MTNAP1: variants seen among roughly 807,000 people sequenced by gnomAD.
The protein encoded by MTNAP1 is mitochondrial nucleoid-associated protein 1.
At chr17:73,245,145 C>G in the MTNAP1 span, 2 of 1,613,008 alleles carry the variant, frequency 1.2e-6, no homozygotes, top group Non-Finnish European at 1.7e-6. Context: ...CGGATCCTTA[C>G]ATTTGTCTCT....
the MTNAP1 span, among the ~76,000 whole-genome samples, chr17:73,234,652 C>T: frequency 2.3e-4 from 33 of 140,514 alleles, no homozygotes; most frequent in African/African-American, 8.1e-4. Flanking sequence ...CACTGCACTC[C>T]GGCCTGGTGA....
chr17:73,247,538 G>A, the MTNAP1 span: 1 of 533,888 alleles, frequency 1.9e-6, no homozygotes, highest in Non-Finnish European at 3.3e-6. Flanking sequence ...TCAGGGTGCT[G>A]AAACATAATG....
chr17:73,235,044 A>G, the MTNAP1 span, among the ~76,000 whole-genome samples: 2 of 152,018 alleles, frequency 1.3e-5, no homozygotes, highest in Non-Finnish European at 2.9e-5. Context: ...GGACACGGTG[A>G]AACCCCGTCT....
chr17:73,236,354 A>G, the MTNAP1 span: 1 of 1,614,084 alleles, frequency 6.2e-7, no homozygotes, highest in African/African-American at 1.3e-5. Context: ...GGTAAAATCC[A>G]AGTCATGGAG....
chr17:73,237,110 A>G, the MTNAP1 span: 4 of 1,084,160 alleles, frequency 3.7e-6, no homozygotes, highest in Non-Finnish European at 5.1e-6. Context: ...ATTTTCACCT[A>G]GGCATGCCAG....
chr17:73,236,973 C>T, the MTNAP1 span: 2 of 1,580,952 alleles, frequency 1.3e-6, no homozygotes, highest in South Asian at 2.3e-5. Flanking sequence ...TTATCAGTCC[C>T]CAGGGGGAAA....
At chr17:73,236,933 G>A in the MTNAP1 span, 1 of 1,612,042 alleles carries the variant, frequency 6.2e-7, no homozygotes, top group Non-Finnish European at 8.5e-7. Flanking sequence ...AAGCCTCAGT[G>A]TTGGAATGCA....
At chr17:73,234,018 G>A in the MTNAP1 span, among the ~76,000 whole-genome samples, 2 of 152,232 alleles carry the variant, frequency 1.3e-5, no homozygotes, top group Admixed American at 6.5e-5. Flanking sequence ...TGTCTATTTT[G>A]TAAGTGGTTT....
chr17:73,236,681 T>G, the MTNAP1 span: 3 of 1,614,170 alleles, frequency 1.9e-6, no homozygotes, highest in Middle Eastern at 1.6e-4. Flanking sequence ...GTCCCTGATG[T>G]AAAGGCATTA....
the MTNAP1 span, chr17:73,236,976 G>A: frequency 1.3e-6 from 2 of 1,580,086 alleles, no homozygotes; most frequent in East Asian, 4.5e-5. Context: ...TCAGTCCCCA[G>A]GGGGAAAGAC....
the MTNAP1 span, among the ~76,000 whole-genome samples, chr17:73,235,151 C>T: frequency 0.25 from 37,350 of 151,958 alleles, 5,352 homozygotes; most frequent in Admixed American, 0.31. Context: ...ACCTGGGAGG[C>T]GGAGTTTGCA....
the MTNAP1 span, chr17:73,242,982 A>G: frequency 2.5e-6 from 4 of 1,613,334 alleles, no homozygotes; most frequent in South Asian, 4.4e-5. Flanking sequence ...CCTGTGTTGT[A>G]GCTGGAGTTT....
the MTNAP1 span, chr17:73,243,218 G>A: frequency 1.3e-4 from 71 of 548,768 alleles, no homozygotes; most frequent in Middle Eastern, 5.2e-4. Flanking sequence ...GCAATGGCAC[G>A]ATCTCAGCTC....
chr17:73,242,306 AC>A, the MTNAP1 span: 5,459 of 1,604,352 alleles, frequency 3.4e-3, 16 homozygotes, highest in Non-Finnish European at 4.3e-3. Context: ...CGGACTTACA[AC>A]CTCCAACTTC....
the MTNAP1 span, among the ~76,000 whole-genome samples, chr17:73,246,094 G>C: frequency 6.6e-6 from 1 of 152,112 alleles, no homozygotes; most frequent in African/African-American, 2.4e-5. Context: ...AGGCAACGTT[G>C]ATGGATAAGT....
At chr17:73,248,365 A>G in the MTNAP1 span, 1 of 850,314 alleles carries the variant, frequency 1.2e-6, no homozygotes, top group Non-Finnish European at 1.9e-6. Context: ...AACGTCTCTA[A>G]CATGATTTAC....
the MTNAP1 span, chr17:73,248,327 C>CT: frequency 9.1e-6 from 6 of 656,256 alleles, no homozygotes; most frequent in Non-Finnish European, 1.6e-5. Context: ...AACTACTCAT[C>CT]TCTTCACAGA....
At chr17:73,235,835 C>T in the MTNAP1 span, 6 of 1,614,092 alleles carry the variant, frequency 3.7e-6, no homozygotes, top group Non-Finnish European at 5.1e-6. Flanking sequence ...CCAATCCAAC[C>T]ATCCTTCAAA....
the MTNAP1 span, among the ~76,000 whole-genome samples, chr17:73,239,542 A>G: frequency 8.8e-5 from 12 of 135,942 alleles, no homozygotes; most frequent in Non-Finnish European, 1.5e-4. Flanking sequence ...TTCTTGAGAC[A>G]GAGTCTTGCT....
Sources: gnomAD v4.1 joint callset for allele counts (sites outside exome capture counted in the v4.1 genomes callset) on GRCh38, gnomAD v4.1.1 for gene constraint, MANE v1.5 for transcripts, NCBI Gene and HGNC (gene_info 2026-07-23, HGNC 2026-07-21) for gene names.